The following MED4 variants were observed in gnomAD, a reference collection of about 807,000 sequenced individuals.
MED4 encodes the protein mediator of RNA polymerase II transcription subunit 4.
In MED4, 21 loss-of-function variants were observed where a neutral mutation model predicts 35.0. That is an observed-to-expected ratio of 0.60 (90% CI 0.43 to 0.86). MED4 has a LOEUF of 0.86. Among genes scored for constraint, MED4 ranks in the 40% least tolerant of loss-of-function variants. The pLI, the probability that MED4 is intolerant of heterozygous loss-of-function variation, is 0.00. For synonymous variants in MED4, 138 were observed against 114.0 expected (o/e 1.21, Z -1.34); for missense variants, 300 against 319.4 (o/e 0.94, Z 0.46).
chr13:48,081,540 G>T, intron 5 of MED4, 105 bp downstream of exon 5: 2 of 623,342 alleles, frequency 3.2e-6, no homozygotes, highest in Non-Finnish European at 5.1e-6. Flanking sequence ...TGTGGCAGAG[G>T]TTTCTAAGGA....
chr13:48,094,171 A>G (rs1467095290), intron 1 of MED4, among the ~76,000 whole-genome samples: 1 of 152,232 alleles, frequency 6.6e-6, no homozygotes, highest in African/African-American at 2.4e-5. Context: ...GAGGCAATTA[A>G]AACTGTTTGG....
In MED4 at chr13:48,088,183, G is replaced by T. The variant is rs1008555667; in HGVS notation, c.193-1731C>A. Reference sequence around the variant, plus strand: ...ACCCCAGTACAGAATTAAGATGCAAGTCTAGTCTAAATATCCTTTACTGTG... The same window carrying T: ...ACCCCAGTACAGAATTAAGATGCAATTCTAGTCTAAATATCCTTTACTGTG... On this transcript the variant is annotated intron_variant, in intron 2 of 6. Transcript: ENST00000258648. 2.6e-5 allele frequency among the ~76,000 whole-genome samples: 4 copies of T among 152,312 alleles called. No homozygotes were observed. In the East Asian group the frequency reaches 7.7e-4, roughly 29 times the overall value.
intron 1 of MED4, among the ~76,000 whole-genome samples, chr13:48,091,685 T>A (rs1950891249): frequency 6.6e-6 from 1 of 152,240 alleles, no homozygotes; most frequent in Non-Finnish European, 1.5e-5. Context: ...ACTTTCTAGA[T>A]ACTTGGGGTA....
chr13:48,094,684 C>T (rs1407159359), intron 1 of MED4, among the ~76,000 whole-genome samples: 1 of 152,128 alleles, frequency 6.6e-6, no homozygotes, highest in African/African-American at 2.4e-5. Flanking sequence ...CCCCAAGGAG[C>T]GTTCCATAAA....
At chr13:48,085,530 T>C (rs1244660540) in intron 3 of MED4, among the ~76,000 whole-genome samples, 3 of 152,172 alleles carry the variant, frequency 2.0e-5, no homozygotes, top group African/African-American at 7.2e-5. Context: ...ACTAGTGAGT[T>C]GTTTCCTTAG....
At chr13:48,082,635 G>A (rs1950818032) in intron 4 of MED4, among the ~76,000 whole-genome samples, 1 of 152,146 alleles carries the variant, frequency 6.6e-6, no homozygotes, top group African/African-American at 2.4e-5. Context: ...AGACCATCCT[G>A]GCTAACACAG....
At chr13:48,093,694 C>A (rs1593550474) in intron 1 of MED4, 1 of 368,218 alleles carries the variant, frequency 2.7e-6, no homozygotes. Flanking sequence ...GGCCCTAATA[C>A]AGTTTATTTT....
chr13:48,079,984 A>G lies in MED4; in HGVS notation c.509-9T>C. ...GGGTCTCCGGGGGTCCCCTAAAACA[A>G]TAAAGACTGCATTTAATTCAATCAT... On this transcript the variant is annotated splice_polypyrimidine_tract_variant and intron_variant, in intron 5 of 6. Transcript: ENST00000258648. 6.2e-7 allele frequency: 1 copy of G among 1,610,734 alleles called. No individual in the cohort carries two copies. Among genetic ancestry groups the G allele is most frequent in the Non-Finnish European group, 8.5e-7 (1 of 1,178,476 alleles).
chr13:48,088,357 G>C (rs1950867879), intron 2 of MED4, among the ~76,000 whole-genome samples: 1 of 152,102 alleles, frequency 6.6e-6, no homozygotes, highest in African/African-American at 2.4e-5. Context: ...CATTTTATAG[G>C]AATTCTTCTA....
intron 5 of MED4, among the ~76,000 whole-genome samples, chr13:48,081,041 TA>T (rs1950804950): frequency 6.6e-6 from 1 of 152,252 alleles, no homozygotes; most frequent in African/African-American, 2.4e-5. Context: ...TTCAGCATGG[TA>T]ACACAGCACC....
intron 2 of MED4, among the ~76,000 whole-genome samples, chr13:48,088,952 A>C (rs840428): frequency 0.053 from 8,043 of 152,354 alleles, 286 homozygotes; most frequent in South Asian, 0.12. Flanking sequence ...CTACTCTTTA[A>C]AAAGTGCAAG....
intron 4 of MED4, 35 bp from the exon 5 acceptor site, chr13:48,081,766 G>T: frequency 7.5e-7 from 1 of 1,339,856 alleles, no homozygotes. Context: ...ATAACCTGTA[G>T]TCTAACAAAC....
rs1471077675 is a variant in MED4, at chr13:48,077,316, A to G, written c.641-5T>C. 1 of 1,461,378 alleles carries G rather than the reference A, an allele frequency of 6.8e-7. No homozygotes were observed. Among genetic ancestry groups the G allele is most frequent in the Non-Finnish European group, 9.0e-7 (1 of 1,108,748 alleles). The allele number at this position is 1,461,378 out of a possible 1,614,324, so 90.5% of individuals were successfully genotyped here. ...GATACTGTGGAGCAAGGACATCTGG[A>G]GAAAAAAAGAAGCATAGATAAGAAC... is the stretch of plus-strand genomic sequence containing the variant. On this transcript the variant is annotated splice_region_variant and splice_polypyrimidine_tract_variant and intron_variant, in intron 6 of 6. Coordinates refer to ENST00000258648, the MANE Select transcript of MED4 (RefSeq NM_014166.4).
At chr13:48,081,608 C>T (rs1416504600) in intron 5 of MED4, 37 bp downstream of exon 5, 1 of 1,442,312 alleles carries the variant, frequency 6.9e-7, no homozygotes, top group Non-Finnish European at 9.5e-7. Flanking sequence ...ATCTTCAAAA[C>T]CACATATATC....
chr13:48,084,807 T>C (rs1411091698), intron 3 of MED4, among the ~76,000 whole-genome samples: 1 of 151,704 alleles, frequency 6.6e-6, no homozygotes, highest in Non-Finnish European at 1.5e-5. Flanking sequence ...AAGTATTACA[T>C]ACATAAGGAT....
At chr13:48,088,985 T>A (rs551278452) in intron 2 of MED4, among the ~76,000 whole-genome samples, 1 of 152,284 alleles carries the variant, frequency 6.6e-6, no homozygotes, top group East Asian at 1.9e-4. Context: ...TGATTATAGG[T>A]CTTAATTATC....
Position 48,076,926 on chromosome 13 carries a change from C to A in MED4, c.*213G>T. On this transcript the variant is annotated 3_prime_UTR_variant, in exon 7 of 7. Transcript: ENST00000258648. The stretch of plus-strand genomic sequence containing the variant: ...TTCAACAGTAAATTTTGACTATTCC[C>A]CTAAATATCTACCTAGTGGCTTAAA... The A allele has an allele frequency of 2.2e-6, 1 of 447,120 alleles. No homozygotes were observed. Among genetic ancestry groups the A allele is most frequent in the Non-Finnish European group, 3.9e-6 (1 of 253,894 alleles). 27.7% of individuals were successfully genotyped at this position (447,120 alleles called of 1,614,324 possible).
intron 1 of MED4, among the ~76,000 whole-genome samples, 162 bp downstream of exon 1, chr13:48,094,792 C>T (rs1391758112): frequency 1.3e-5 from 2 of 152,172 alleles, no homozygotes; most frequent in Non-Finnish European, 2.9e-5. Flanking sequence ...CCCAGAGTGC[C>T]AGAGGGCTGC....
intron 6 of MED4, 93 bp downstream of exon 6, chr13:48,079,751 G>A (rs1450303209): frequency 1.4e-6 from 2 of 1,442,236 alleles, no homozygotes; most frequent in African/African-American, 2.9e-5. Context: ...ATTGTGTCGG[G>A]AATCTCAAAC....
Sources: allele counts gnomAD v4.1 joint callset (sites outside exome capture counted in the v4.1 genomes callset), GRCh38; gene constraint gnomAD v4.1.1; transcripts MANE v1.5; gene names NCBI Gene and HGNC (gene_info 2026-07-23, HGNC 2026-07-21).